CNTNAP5: variants seen among roughly 807,000 people sequenced by gnomAD.
The protein encoded by CNTNAP5 is contactin-associated protein-like 5.
A neutral mutation model predicts 150.2 loss-of-function variants in CNTNAP5; 72 were observed. The observed-to-expected ratio is 0.48, with a 90% CI of 0.40 to 0.58. The LOEUF (loss-of-function observed/expected upper bound fraction) is 0.58, where lower values mean the gene tolerates loss of function less well. Ranked by LOEUF, CNTNAP5 falls within the 20% of genes least tolerant of loss-of-function variation. CNTNAP5 has a pLI of 0.00. For missense variants in CNTNAP5, 1,636 were observed against 1,626.2 expected (o/e 1.01, Z -0.10); for synonymous variants, 672 against 619.8 (o/e 1.08, Z -1.25).
chr2:124,119,017 T>G (rs1683494436), intron 1 of CNTNAP5, among the ~76,000 whole-genome samples: 1 of 152,214 alleles, frequency 6.6e-6, no homozygotes, highest in South Asian at 2.1e-4. Context: ...ACTGGCTTTC[T>G]TTCTGTTGGT....
At chr2:124,674,500 T>C (rs950278892) in intron 13 of CNTNAP5, among the ~76,000 whole-genome samples, 31 of 92,836 alleles carry the variant, frequency 3.3e-4, no homozygotes, top group African/African-American at 5.1e-4. Flanking sequence ...CTACTTCCTT[T>C]CTTTCTTTCT....
At chr2:124,588,115 C>T (rs1696584186) in intron 11 of CNTNAP5, among the ~76,000 whole-genome samples, 1 of 143,734 alleles carries the variant, frequency 7.0e-6, no homozygotes, top group Non-Finnish European at 1.5e-5. Context: ...TCCTTCCCTC[C>T]TTTTCCTTCC....
intron 3 of CNTNAP5, among the ~76,000 whole-genome samples, chr2:124,324,666 GA>G (rs1007364539): frequency 4.6e-5 from 7 of 152,154 alleles, no homozygotes; most frequent in African/African-American, 1.7e-4. Context: ...TGACAATGCT[GA>G]AACAATGTGG....
intron 13 of CNTNAP5, among the ~76,000 whole-genome samples, chr2:124,687,592 C>G (rs1382472783): frequency 7.1e-6 from 1 of 141,150 alleles, no homozygotes; most frequent in Non-Finnish European, 1.5e-5. Context: ...TTGGTAATCA[C>G]AGGAAGCAAC....
intron 1 of CNTNAP5, among the ~76,000 whole-genome samples, chr2:124,175,573 G>GC (rs1452644756): frequency 6.6e-6 from 1 of 152,118 alleles, no homozygotes; most frequent in Non-Finnish European, 1.5e-5. Context: ...CCAATAGGTA[G>GC]TTTTTCAGCC....
In CNTNAP5 at chr2:124,751,166, A is replaced by C. The variant is rs562996603; in HGVS notation, c.2234+3781A>C. Among the ~76,000 whole-genome samples the C allele has an allele frequency of 1.2e-4, 18 of 151,890 alleles. No individual in the cohort carries two copies. In the East Asian group the frequency reaches 3.5e-3, roughly 29 times the overall value. On this transcript the variant is annotated intron_variant, in intron 14 of 23. Coordinates refer to ENST00000682447, the MANE Select transcript of CNTNAP5 (RefSeq NM_001367498.1). ...AGAAGCAGCAGTTACGTTTTGAAGGAGCAGAAGCAGCTAGTTAAATAAATA... is the reference window on the plus strand; with the variant it reads ...AGAAGCAGCAGTTACGTTTTGAAGGCGCAGAAGCAGCTAGTTAAATAAATA...
At chr2:124,653,423 T>C (rs1678362926) in intron 13 of CNTNAP5, among the ~76,000 whole-genome samples, 1 of 150,402 alleles carries the variant, frequency 6.6e-6, no homozygotes, top group Non-Finnish European at 1.5e-5. Context: ...ATATAGTATA[T>C]AGTATGGATA....
intron 12 of CNTNAP5, among the ~76,000 whole-genome samples, chr2:124,631,199 T>C (rs552416378): frequency 6.6e-6 from 1 of 152,270 alleles, no homozygotes; most frequent in African/African-American, 2.4e-5. Flanking sequence ...ACCATTGACG[T>C]TCTTCACAAA....
intron 19 of CNTNAP5, among the ~76,000 whole-genome samples, chr2:124,811,241 G>T (rs1046620894): frequency 1.3e-5 from 2 of 151,952 alleles, no homozygotes; most frequent in Admixed American, 6.6e-5. Context: ...GATAAATCAA[G>T]AAATAACAAC....
intron 18 of CNTNAP5, among the ~76,000 whole-genome samples, chr2:124,797,533 T>A (rs1681871917): frequency 6.6e-6 from 1 of 152,220 alleles, no homozygotes; most frequent in African/African-American, 2.4e-5. Context: ...TTCTACTTTG[T>A]CCATAAATTT....
At chr2:124,682,327 C>T (rs1284255481) in intron 13 of CNTNAP5, among the ~76,000 whole-genome samples, 2 of 152,164 alleles carry the variant, frequency 1.3e-5, no homozygotes, top group African/African-American at 4.8e-5. Flanking sequence ...TCGTTTTGGT[C>T]ATGCGCTGGA....
chr2:124,529,295 T>C (rs1377071776), intron 10 of CNTNAP5, among the ~76,000 whole-genome samples: 2 of 152,184 alleles, frequency 1.3e-5, no homozygotes, highest in East Asian at 1.9e-4. Flanking sequence ...AGGGGTCTCT[T>C]ATGCTACCTT....
chr2:124,707,138 G>GAAAGAAGA (rs1228009653), intron 13 of CNTNAP5, among the ~76,000 whole-genome samples: 1 of 80,154 alleles, frequency 1.2e-5, no homozygotes, highest in Non-Finnish European at 2.7e-5. Context: ...AGAAGAAGAA[G>GAAAGAAGA]AGGAAGAAGA....
At chr2:124,304,117 A>G (rs905566766) in intron 3 of CNTNAP5, among the ~76,000 whole-genome samples, 2 of 152,344 alleles carry the variant, frequency 1.3e-5, no homozygotes, top group East Asian at 3.9e-4. Context: ...GATGCTCAAG[A>G]CAAAGGCTCT....
rs571586879 is a variant in CNTNAP5 at position 124,756,064 on chromosome 2, G to A, written c.2235-7608G>A. ...CCAGCAGATGTGGCATGGAGTCAGA[G>A]CTCAAAGATTTATCAACCATCTTTT... On this transcript the variant is annotated intron_variant, in intron 14 of 23. Transcript: ENST00000682447. Among the ~76,000 whole-genome samples, 113 of 152,252 alleles carry A rather than the reference G, an allele frequency of 7.4e-4. 1 individual carries two copies. The highest frequency in any genetic ancestry group is 1.4e-3 in the Non-Finnish European group (97 of 68,016).
intron 13 of CNTNAP5, among the ~76,000 whole-genome samples, chr2:124,667,554 C>A (rs1678726430): frequency 6.6e-6 from 1 of 152,196 alleles, no homozygotes; most frequent in Non-Finnish European, 1.5e-5. Context: ...TTCTTCCCTG[C>A]CTCAGGGCAA....
intron 11 of CNTNAP5, among the ~76,000 whole-genome samples, chr2:124,602,666 A>T (rs900536165): frequency 1.3e-5 from 2 of 151,948 alleles, no homozygotes; most frequent in Admixed American, 1.3e-4. Flanking sequence ...CTAATTTTAA[A>T]TTTTTTGTAA....
At chr2:124,638,448 A>T (rs913947955) in intron 12 of CNTNAP5, among the ~76,000 whole-genome samples, 1 of 152,108 alleles carries the variant, frequency 6.6e-6, no homozygotes, top group Non-Finnish European at 1.5e-5. Flanking sequence ...TACTATTTGA[A>T]AGTTGCTTAA....
chr2:124,287,049 A>C (rs1688172302), intron 3 of CNTNAP5, among the ~76,000 whole-genome samples: 1 of 152,184 alleles, frequency 6.6e-6, no homozygotes, highest in African/African-American at 2.4e-5. Flanking sequence ...TCCATCACAC[A>C]TGCAATACTT....
Sources: allele counts gnomAD v4.1 joint callset (sites outside exome capture counted in the v4.1 genomes callset), GRCh38; gene constraint gnomAD v4.1.1; transcripts MANE v1.5; gene names NCBI Gene and HGNC (gene_info 2026-07-23, HGNC 2026-07-21).